CAMK4: variants seen among roughly 807,000 people sequenced by gnomAD.
CAMK4 encodes the protein calcium/calmodulin-dependent protein kinase type IV.
CAMK4 carries 22 observed loss-of-function variants against 44.9 expected under a neutral mutation model. That is an observed-to-expected ratio of 0.49 (90% CI 0.35 to 0.70). The LOEUF (loss-of-function observed/expected upper bound fraction) is 0.70. Among genes scored for constraint, CAMK4 ranks in the 30% least tolerant of loss-of-function variants. The probability of loss-of-function intolerance (pLI) is 0.01; values close to 1 mark genes in which losing one functional copy is unlikely to be tolerated. For missense variants in CAMK4, 498 were observed against 586.8 expected (o/e 0.85, Z 1.56); for synonymous variants, 218 against 215.4 (o/e 1.01, Z -0.11).
intron 1 of CAMK4, among the ~76,000 whole-genome samples, chr5:111,263,646 T>A (rs1037699088): frequency 1.3e-5 from 2 of 152,174 alleles, no homozygotes; most frequent in Non-Finnish European, 2.9e-5. Flanking sequence ...ATATAAACTT[T>A]AAAAAATGTA....
At chr5:111,293,612 A>G (rs1016181180) in intron 1 of CAMK4, among the ~76,000 whole-genome samples, 3 of 151,944 alleles carry the variant, frequency 2.0e-5, no homozygotes, top group Non-Finnish European at 4.4e-5. Flanking sequence ...TTTTTAGTTG[A>G]GACGGGGTTT....
chr5:111,475,340 T>G (rs1030045893), intron 8 of CAMK4, among the ~76,000 whole-genome samples: 1 of 152,118 alleles, frequency 6.6e-6, no homozygotes, highest in Admixed American at 6.5e-5. Flanking sequence ...CTGGGAGGCA[T>G]TAAGTATTAA....
intron 2 of CAMK4, among the ~76,000 whole-genome samples, chr5:111,368,065 C>A (rs1750865011): frequency 6.6e-6 from 1 of 151,936 alleles, no homozygotes; most frequent in African/African-American, 2.4e-5. Context: ...GGAACTTGGG[C>A]TAATTAGCCC....
At chr5:111,448,589 A>T (rs1024905488) in intron 6 of CAMK4, among the ~76,000 whole-genome samples, 2 of 152,186 alleles carry the variant, frequency 1.3e-5, no homozygotes, top group Non-Finnish European at 2.9e-5. Context: ...GTGGATCACG[A>T]GGTCAGGAGA....
At position 111,361,017 on chromosome 5, in the gene CAMK4, T is replaced by C. The variant is rs1306721149; in HGVS notation, c.241-13833T>C. 2.6e-4 allele frequency among the ~76,000 whole-genome samples: 40 copies of C among 152,048 alleles called. 1 individual carries two copies. Among genetic ancestry groups the C allele is most frequent in the Admixed American group, 2.6e-3 (40 of 15,234 alleles). ...GTCATGAATAACTCTAGAAGAACCA[T>C]GTGAGAGCCTCTCTTTCCACCAAGT... is the stretch of plus-strand genomic sequence containing the variant. On this transcript the variant is annotated intron_variant, in intron 2 of 10. Transcript: ENST00000282356.
chr5:111,342,654 A>G (rs1749691977), intron 1 of CAMK4, among the ~76,000 whole-genome samples: 1 of 151,478 alleles, frequency 6.6e-6, no homozygotes, highest in South Asian at 2.1e-4. Flanking sequence ...AAAAACCACC[A>G]CATTGTTAGC....
intron 7 of CAMK4, among the ~76,000 whole-genome samples, chr5:111,452,654 A>T (rs1017641275): frequency 6.6e-6 from 1 of 152,198 alleles, no homozygotes; most frequent in African/African-American, 2.4e-5. Context: ...CTGTTTTAAT[A>T]TATTGTCCTT....
rs1228045170 is a variant in CAMK4, at chr5:111,486,537, ACAC to A, written c.*2072_*2074del. The A allele has an allele frequency of 7.1e-6, 1 of 140,900 alleles. No homozygotes were observed. The highest frequency in any genetic ancestry group is 1.5e-5 in the Non-Finnish European group (1 of 65,518). The allele number at this position is 140,900 out of a possible 1,614,324, so 8.7% of individuals were successfully genotyped here. On this transcript the variant is annotated 3_prime_UTR_variant, in exon 11 of 11. Transcript: ENST00000282356. Reference sequence around the variant, plus strand: ...CACACACACACACACACACACACACACACACGTGTTGGAAGAGCAAAGAGAGGG... The same window carrying A: ...CACACACACACACACACACACACACAACGTGTTGGAAGAGCAAAGAGAGGG...
intron 1 of CAMK4, among the ~76,000 whole-genome samples, chr5:111,316,222 C>T (rs375077163): frequency 1.5e-4 from 23 of 152,208 alleles, no homozygotes; most frequent in Admixed American, 6.5e-4. Context: ...TCCACAGTAA[C>T]GGGGCAGGAG....
intron 1 of CAMK4, among the ~76,000 whole-genome samples, chr5:111,268,677 A>G (rs1411945085): frequency 6.6e-6 from 1 of 152,234 alleles, no homozygotes; most frequent in Non-Finnish European, 1.5e-5. Context: ...GGATCATATT[A>G]TAAATATTTA....
At chr5:111,260,513 T>G (rs1220670649) in intron 1 of CAMK4, among the ~76,000 whole-genome samples, 1 of 152,174 alleles carries the variant, frequency 6.6e-6, no homozygotes, top group Non-Finnish European at 1.5e-5. Flanking sequence ...TGTCTTCCTA[T>G]ATTTTCAGTT....
intron 1 of CAMK4, among the ~76,000 whole-genome samples, chr5:111,296,137 C>T (rs967463736): frequency 6.6e-6 from 1 of 152,222 alleles, no homozygotes; most frequent in East Asian, 1.9e-4. Flanking sequence ...TTATCACCCT[C>T]TCAGTATCCC....
intron 1 of CAMK4, among the ~76,000 whole-genome samples, chr5:111,248,299 C>G (rs2112534049): frequency 6.6e-6 from 1 of 152,032 alleles, no homozygotes; most frequent in East Asian, 1.9e-4. Context: ...AATATTTGTT[C>G]AGAGCTATCA....
At chr5:111,429,223 C>T (rs892185742) in intron 5 of CAMK4, among the ~76,000 whole-genome samples, 1 of 151,732 alleles carries the variant, frequency 6.6e-6, no homozygotes, top group Non-Finnish European at 1.5e-5. Flanking sequence ...AAAAAATAAA[C>T]AGAATTAACA....
At chr5:111,388,665 A>G (rs1269938937) in intron 4 of CAMK4, among the ~76,000 whole-genome samples, 2 of 152,136 alleles carry the variant, frequency 1.3e-5, no homozygotes, top group Non-Finnish European at 1.5e-5. Flanking sequence ...ACTGTGTTGA[A>G]TGTTGTCTGT....
At position 111,484,774 on chromosome 5, in the gene CAMK4, A is replaced by T. The variant is rs553917136; in HGVS notation, c.*308A>T. ...GCACATATTTGAAGTGAATAGTAGCAAATTGTTTTTGCTTTGAAAATCTAG... is the reference window on the plus strand; with the variant it reads ...GCACATATTTGAAGTGAATAGTAGCTAATTGTTTTTGCTTTGAAAATCTAG... On this transcript the variant is annotated 3_prime_UTR_variant, in exon 11 of 11. Coordinates refer to ENST00000282356, the MANE Select transcript of CAMK4 (RefSeq NM_001744.6). The surrounding 1 kb of genome is among the most constrained non-coding windows in gnomAD (Gnocchi z 5.3). 4.5e-6 allele frequency: 1 copy of T among 223,806 alleles called. No homozygotes were observed. The highest frequency in any genetic ancestry group is 9.3e-5 in the East Asian group (1 of 10,782). 13.9% of individuals were successfully genotyped at this position (223,806 alleles called of 1,614,324 possible).
chr5:111,385,135 A>G (rs548988461), intron 4 of CAMK4, among the ~76,000 whole-genome samples: 1 of 152,318 alleles, frequency 6.6e-6, no homozygotes, highest in South Asian at 2.1e-4. Flanking sequence ...GAGGGCTAGG[A>G]AATAAAAAGA....
At chr5:111,379,469 T>C (rs565449141) in intron 4 of CAMK4, among the ~76,000 whole-genome samples, 5 of 152,282 alleles carry the variant, frequency 3.3e-5, no homozygotes, top group Admixed American at 6.5e-5. Context: ...TTTTAAAAGA[T>C]AGACTCTTTT....
chr5:111,391,756 A>G (rs1377530049), intron 4 of CAMK4, among the ~76,000 whole-genome samples: 1 of 152,180 alleles, frequency 6.6e-6, no homozygotes, highest in African/African-American at 2.4e-5. Flanking sequence ...AGATTATGCC[A>G]CAAATCTGAA....
Sources: gnomAD v4.1 joint callset for allele counts (sites outside exome capture counted in the v4.1 genomes callset) on GRCh38, gnomAD v4.1.1 for gene constraint, Gnocchi (gnomAD v3.1) non-coding constraint, MANE v1.5 for transcripts, NCBI Gene and HGNC (gene_info 2026-07-23, HGNC 2026-07-21) for gene names.